PTPRZ1: variants seen among roughly 807,000 people sequenced by gnomAD.
The protein encoded by PTPRZ1 is protein tyrosine phosphatase receptor type Z1, also known as receptor-type tyrosine-protein phosphatase zeta.
In PTPRZ1, 82 loss-of-function variants were observed where a neutral mutation model predicts 214.1. The observed-to-expected ratio is 0.38, with a 90% confidence interval of 0.32 to 0.46. The LOEUF is 0.46. Ranked by LOEUF, PTPRZ1 falls within the 20% of genes least tolerant of loss-of-function variation. The pLI is 1.00. For synonymous variants in PTPRZ1, 945 were observed against 987.9 expected (o/e 0.96, Z 0.81); for missense variants, 2,603 against 2,748.7 (o/e 0.95, Z 1.19).
At chr7:121,897,832 A>G (rs1419343397) in intron 1 of PTPRZ1, among the ~76,000 whole-genome samples, 1 of 152,238 alleles carries the variant, frequency 6.6e-6, no homozygotes, top group East Asian at 1.9e-4. Flanking sequence ...CCAGAAATGC[A>G]GAGGACATCA....
chr7:121,968,165 T>A (rs774165051), intron 3 of PTPRZ1, 35 bp downstream of exon 3: 1 of 1,535,668 alleles, frequency 6.5e-7, no homozygotes, highest in South Asian at 1.2e-5. Flanking sequence ...CTTTAATATA[T>A]TTTTCAGACC....
At chr7:122,041,126 C>A in intron 21 of PTPRZ1, 147 bp downstream of exon 21, 1 of 703,012 alleles carries the variant, frequency 1.4e-6, no homozygotes, top group Non-Finnish European at 2.0e-6. Flanking sequence ...AAGTATTGAT[C>A]ACTAGGAAAT....
chr7:121,888,124 G>A (rs3801374), intron 1 of PTPRZ1, among the ~76,000 whole-genome samples: 25,789 of 151,876 alleles, frequency 0.17, 2,464 homozygotes, highest in East Asian at 0.29. Flanking sequence ...CCTTAGAAAC[G>A]AGAGACAGTG....
chr7:121,894,140 C>G (rs1794719017), intron 1 of PTPRZ1, among the ~76,000 whole-genome samples: 1 of 152,108 alleles, frequency 6.6e-6, no homozygotes, highest in Non-Finnish European at 1.5e-5. Flanking sequence ...ACTGTTGATT[C>G]ACATTGTCAA....
chr7:122,017,585 A>AGAG (rs1491360511), intron 12 of PTPRZ1, among the ~76,000 whole-genome samples: 5 of 85,756 alleles, frequency 5.8e-5, no homozygotes, highest in South Asian at 3.9e-4. Flanking sequence ...ATTTTGAGAT[A>AGAG]GAGTCTCACT....
At chr7:121,929,294 ATATT>A in intron 2 of PTPRZ1, among the ~76,000 whole-genome samples, 1 of 152,176 alleles carries the variant, frequency 6.6e-6, no homozygotes, top group East Asian at 1.9e-4. Flanking sequence ...TCTTAAAATT[ATATT>A]TATTTCCTCA....
intron 22 of PTPRZ1, 122 bp from the exon 23 acceptor site, chr7:122,044,295 ATCTTG>A: frequency 9.1e-7 from 1 of 1,095,852 alleles, no homozygotes; most frequent in Non-Finnish European, 1.3e-6. Flanking sequence ...TTTGTAAGCA[ATCTTG>A]TGTGGGTCTT....
intron 1 of PTPRZ1, among the ~76,000 whole-genome samples, chr7:121,917,990 T>G (rs1584636491): frequency 6.6e-6 from 1 of 152,012 alleles, no homozygotes; most frequent in East Asian, 1.9e-4. Context: ...AAATTATCAA[T>G]TTATTATAGT....
rs1410878201 is a variant in PTPRZ1 at position 122,012,622 on chromosome 7, C to T, written c.3576C>T (p.Asp1192=). The change falls in exon 12 of 30, where the codon GAC becomes GAT. Residue 1192 remains aspartate (D), a synonymous_variant. Transcript: ENST00000393386. ...CTTCCTTTCAGGCTTCTGATGTTGA[C>T]ACCTTGCTTAAAACTGTTCTTCCAG... ...LQPSFQASDV[D]TLLKTVLPAV... 6.2e-7 allele frequency: 1 copy of T among 1,613,666 alleles called. No individual in the cohort carries two copies. The highest frequency in any genetic ancestry group is 1.3e-5 in the African/African-American group (1 of 74,910).
intron 3 of PTPRZ1, among the ~76,000 whole-genome samples, chr7:121,972,198 C>T (rs1290859719): frequency 6.6e-6 from 1 of 152,018 alleles, no homozygotes; most frequent in Non-Finnish European, 1.5e-5. Context: ...TTCCTTCCCC[C>T]TTTGCTCTGT....
chr7:121,894,084 T>A (rs764403141), intron 1 of PTPRZ1, among the ~76,000 whole-genome samples: 7 of 152,068 alleles, frequency 4.6e-5, no homozygotes, highest in Admixed American at 4.6e-4. Context: ...TTAGAAAAAA[T>A]TTTTCGAAGG....
At chr7:121,934,389 A>G (rs2116395854) in intron 2 of PTPRZ1, among the ~76,000 whole-genome samples, 1 of 149,706 alleles carries the variant, frequency 6.7e-6, no homozygotes, top group African/African-American at 2.5e-5. Flanking sequence ...TAACCTACAG[A>G]CTGACTAGGC....
intron 2 of PTPRZ1, among the ~76,000 whole-genome samples, chr7:121,947,259 A>C (rs539006972): frequency 7.6e-4 from 65 of 85,458 alleles, no homozygotes; most frequent in Non-Finnish European, 1.3e-3. Context: ...TAAAATTATA[A>C]AAAAAAAAAA....
chr7:121,961,689 C>T (rs1280988819), intron 2 of PTPRZ1, among the ~76,000 whole-genome samples: 1 of 152,154 alleles, frequency 6.6e-6, no homozygotes, highest in Non-Finnish European at 1.5e-5. Context: ...TCATTTGATG[C>T]ACAAAGTCTA....
chr7:121,903,966 TCACACACACACACACA>T (rs57176542), intron 1 of PTPRZ1, among the ~76,000 whole-genome samples: 2 of 123,844 alleles, frequency 1.6e-5, no homozygotes, highest in Non-Finnish European at 3.5e-5. Flanking sequence ...TCTTTAAATC[TCACACACACACACACA>T]CACACACACA....
intron 2 of PTPRZ1, among the ~76,000 whole-genome samples, chr7:121,964,819 T>C (rs1796995258): frequency 6.6e-6 from 1 of 152,130 alleles, no homozygotes; most frequent in African/African-American, 2.4e-5. Flanking sequence ...CTTACAGACA[T>C]CTGTGGAGAG....
chr7:121,890,684 A>G (rs1266648755), intron 1 of PTPRZ1, among the ~76,000 whole-genome samples: 1 of 151,832 alleles, frequency 6.6e-6, no homozygotes, highest in Non-Finnish European at 1.5e-5. Context: ...CTTTATTATT[A>G]TTTAGAGACA....
chr7:121,886,790 G>C (rs1405041606), intron 1 of PTPRZ1, among the ~76,000 whole-genome samples: 1 of 151,912 alleles, frequency 6.6e-6, no homozygotes, highest in African/African-American at 2.4e-5. Context: ...GGTATGCCAG[G>C]GTCCCCATCC....
At chr7:122,023,170 TATA>T (rs1799070707) in intron 13 of PTPRZ1, among the ~76,000 whole-genome samples, 3 of 152,082 alleles carry the variant, frequency 2.0e-5, no homozygotes, top group Admixed American at 2.0e-4. Context: ...CTCAAAGTTT[TATA>T]ATAAATCTGC....
Sources: gnomAD v4.1 joint callset for allele counts (sites outside exome capture counted in the v4.1 genomes callset) on GRCh38, gnomAD v4.1.1 for gene constraint, MANE v1.5 for transcripts, NCBI Gene and HGNC (gene_info 2026-07-23, HGNC 2026-07-21) for gene names.